The following C8orf34 variants were observed in gnomAD, a reference collection of about 807,000 sequenced individuals.
The protein encoded by C8orf34 is uncharacterized protein C8orf34.
In C8orf34, 65 loss-of-function variants were observed where a neutral mutation model predicts 68.3. The observed-to-expected ratio is 0.95, with a 90% confidence interval of 0.78 to 1.17. C8orf34 has a LOEUF of 1.17. Ranked by LOEUF, C8orf34 falls within the 50% of genes most tolerant of loss-of-function variation. The pLI, the probability that C8orf34 is intolerant of heterozygous loss-of-function variation, is 0.00. For synonymous variants in C8orf34, 244 were observed against 241.2 expected, an observed-to-expected ratio of 1.01 and a Z score of -0.11; for missense variants, 664 against 655.4, an observed-to-expected ratio of 1.01 and a Z score of -0.14.
intron 1 of C8orf34, among the ~76,000 whole-genome samples, chr8:68,361,723 C>T (rs1370298621): frequency 1.3e-5 from 2 of 152,182 alleles, no homozygotes; most frequent in South Asian, 2.1e-4. Context: ...TTTTCTACTA[C>T]TTCTCCCAAA....
intron 7 of C8orf34, among the ~76,000 whole-genome samples, chr8:68,576,482 T>C (rs1816910831): frequency 6.6e-6 from 1 of 151,626 alleles, no homozygotes; most frequent in African/African-American, 2.4e-5. Flanking sequence ...AAGCGCCAGT[T>C]CTTAGTTACT....
At chr8:68,364,877 G>A (rs1277996869) in intron 1 of C8orf34, among the ~76,000 whole-genome samples, 5 of 152,032 alleles carry the variant, frequency 3.3e-5, no homozygotes, top group Admixed American at 1.3e-4. Flanking sequence ...CAGGCAGAAG[G>A]CAAGAAATAA....
At chr8:68,710,391 G>A (rs1821297950) in intron 9 of C8orf34, among the ~76,000 whole-genome samples, 1 of 152,094 alleles carries the variant, frequency 6.6e-6, no homozygotes. Flanking sequence ...TGCTGTTGAG[G>A]GGGCACAGTG....
At chr8:68,804,099 C>G (rs1824413433) in intron 12 of C8orf34, among the ~76,000 whole-genome samples, 1 of 152,142 alleles carries the variant, frequency 6.6e-6, no homozygotes, top group Non-Finnish European at 1.5e-5. Flanking sequence ...TAATTGCAGT[C>G]TAACAAAGCA....
chr8:68,604,059 C>T (rs911703685), intron 7 of C8orf34, among the ~76,000 whole-genome samples: 1 of 152,064 alleles, frequency 6.6e-6, no homozygotes, highest in Non-Finnish European at 1.5e-5. Context: ...AAGATAAAAA[C>T]ACCATGGAAA....
intron 1 of C8orf34, among the ~76,000 whole-genome samples, chr8:68,340,991 G>A (rs950314002): frequency 6.6e-6 from 1 of 152,148 alleles, no homozygotes; most frequent in African/African-American, 2.4e-5. Flanking sequence ...GAGGTGCAAG[G>A]ATAATCCAAT....
At chr8:68,337,553 T>G in intron 1 of C8orf34, among the ~76,000 whole-genome samples, 1 of 152,196 alleles carries the variant, frequency 6.6e-6, no homozygotes, top group Non-Finnish European at 1.5e-5. Flanking sequence ...TTGACAAAAT[T>G]TGAATGTGGT....
intron 8 of C8orf34, among the ~76,000 whole-genome samples, chr8:68,696,788 A>G (rs945356604): frequency 3.9e-5 from 6 of 152,132 alleles, no homozygotes; most frequent in African/African-American, 1.4e-4. Context: ...AAAATTAGTT[A>G]TAATTTCCTT....
chr8:68,709,474 T>G (rs1216673186), intron 9 of C8orf34, among the ~76,000 whole-genome samples: 1 of 152,160 alleles, frequency 6.6e-6, no homozygotes, highest in Non-Finnish European at 1.5e-5. Context: ...CATTCTCACG[T>G]CATTGATCCA....
chr8:68,452,908 T>C (rs184735568), intron 3 of C8orf34, among the ~76,000 whole-genome samples: 325 of 151,980 alleles, frequency 2.1e-3, no homozygotes, highest in African/African-American at 7.0e-3. Flanking sequence ...CTCTTACATG[T>C]GGGTAGTTGT....
chr8:68,512,352 G>A (rs1449595186), intron 5 of C8orf34, among the ~76,000 whole-genome samples: 1 of 152,136 alleles, frequency 6.6e-6, no homozygotes, highest in Non-Finnish European at 1.5e-5. Context: ...GCAATCCCGT[G>A]TACCTAAACA....
At chr8:68,618,022 GT>G (rs932404430) in intron 7 of C8orf34, among the ~76,000 whole-genome samples, 5 of 151,894 alleles carry the variant, frequency 3.3e-5, no homozygotes, top group African/African-American at 1.2e-4. Context: ...TTTCTATTGT[GT>G]TTTTTTATTT....
At position 68,806,959 on chromosome 8, in the gene C8orf34, C is replaced by G. The variant is rs1358444409; in HGVS notation, c.1550-8927C>G. On this transcript the variant is annotated intron_variant, in intron 12 of 13. Coordinates refer to ENST00000518698, the MANE Select transcript of C8orf34 (RefSeq NM_052958.4). ...AGATACACTTGCAAGATGGTTAACT[C>G]TCATGTCTAGTGAATTGGTGGTTAC... is the stretch of plus-strand genomic sequence containing the variant. Among the ~76,000 whole-genome samples the G allele has an allele frequency of 4.6e-5, 7 of 152,210 alleles. No homozygotes were observed. The East Asian group carries it at 1.3e-3, about 29-fold the overall frequency.
At chr8:68,651,601 G>A (rs1367053310) in intron 8 of C8orf34, among the ~76,000 whole-genome samples, 2 of 152,230 alleles carry the variant, frequency 1.3e-5, no homozygotes, top group Non-Finnish European at 2.9e-5. Context: ...GTCCTTTGCA[G>A]CAGCATGGAT....
In C8orf34 at chr8:68,571,768, A is replaced by G. The variant is rs1816765466; in HGVS notation, c.1105+38619A>G. ...ATAGGAGTTTAGTTACATTGCTTTC[A>G]TTGATTTCAGAATATGAACACGGTG... On this transcript the variant is annotated intron_variant, in intron 7 of 13. Transcript: ENST00000518698. Among the ~76,000 whole-genome samples the G allele has an allele frequency of 2.6e-5, 4 of 152,322 alleles. No homozygotes were observed. In the South Asian group the frequency reaches 8.3e-4, roughly 32 times the overall value.
At chr8:68,447,454 A>G (rs1007971923) in intron 3 of C8orf34, 13 of 152,210 alleles carry the variant, frequency 8.5e-5, no homozygotes, top group African/African-American at 3.1e-4. Flanking sequence ...CCACATATGT[A>G]TAAACATGTC....
chr8:68,472,232 C>G (rs930531758), intron 4 of C8orf34, among the ~76,000 whole-genome samples: 1 of 152,096 alleles, frequency 6.6e-6, no homozygotes, highest in Non-Finnish European at 1.5e-5. Flanking sequence ...TGCCTTGAGC[C>G]CTCACTTTGT....
chr8:68,475,309 A>T (rs1051685684), intron 4 of C8orf34, among the ~76,000 whole-genome samples: 6 of 152,174 alleles, frequency 3.9e-5, no homozygotes, highest in Non-Finnish European at 5.9e-5. Flanking sequence ...TTTTCTCTGA[A>T]CACACTTATA....
At chr8:68,633,180 A>C (rs72666740) in intron 7 of C8orf34, among the ~76,000 whole-genome samples, 423 of 152,302 alleles carry the variant, frequency 2.8e-3, no homozygotes, top group Non-Finnish European at 4.9e-3. Flanking sequence ...TAGTTACTGC[A>C]GCTGCTTGAC....
Sources: gnomAD v4.1 joint callset for allele counts (sites outside exome capture counted in the v4.1 genomes callset) on GRCh38, gnomAD v4.1.1 for gene constraint, MANE v1.5 for transcripts, NCBI Gene and HGNC (gene_info 2026-07-23, HGNC 2026-07-21) for gene names.